Variants in RAPGEF1 observed in about 807,000 individuals in gnomAD.
RAPGEF1 encodes Rap guanine nucleotide exchange factor 1.
In RAPGEF1, 33 loss-of-function variants were observed where a neutral mutation model predicts 143.3. The ratio of observed to expected loss-of-function variants is 0.23; its 90% confidence interval spans 0.17 to 0.31. The LOEUF (loss-of-function observed/expected upper bound fraction) is 0.31. Ranked by LOEUF, RAPGEF1 falls within the 10% of genes least tolerant of loss-of-function variation. The pLI is 1.00. For missense variants in RAPGEF1, 1,199 were observed against 1,645.4 expected (o/e 0.73, Z 4.69); for synonymous variants, 629 against 676.5 (o/e 0.93, Z 1.09).
chr9:131,619,273 C>T (rs958154001), intron 11 of RAPGEF1, 67 bp from the exon 12 acceptor site: 13 of 1,243,150 alleles, frequency 1.0e-5, no homozygotes, highest in African/African-American at 3.1e-5. Flanking sequence ...CAGTCAGGTC[C>T]GTGCAGGGAA....
intron 1 of RAPGEF1, among the ~76,000 whole-genome samples, chr9:131,729,127 G>C (rs74383038): frequency 6.6e-6 from 1 of 152,190 alleles, no homozygotes; most frequent in Non-Finnish European, 1.5e-5. Context: ...CAGTGCATCA[G>C]TGCAGGCCCA....
chr9:131,658,214 G>A (rs1470507922), intron 1 of RAPGEF1, among the ~76,000 whole-genome samples: 1 of 152,188 alleles, frequency 6.6e-6, no homozygotes, highest in Non-Finnish European at 1.5e-5. Flanking sequence ...CTCCCAAGTG[G>A]CTATGCCACT....
At chr9:131,648,974 A>G (rs1165439323) in intron 3 of RAPGEF1, among the ~76,000 whole-genome samples, 1 of 152,228 alleles carries the variant, frequency 6.6e-6, no homozygotes, top group Non-Finnish European at 1.5e-5. Flanking sequence ...GATAATCACT[A>G]AAGGATTAAG....
intron 1 of RAPGEF1, among the ~76,000 whole-genome samples, chr9:131,691,800 G>C (rs1331821733): frequency 6.6e-6 from 1 of 152,142 alleles, no homozygotes; most frequent in Non-Finnish European, 1.5e-5. Context: ...AGAATAAAAT[G>C]ATAAATAACA....
intron 13 of RAPGEF1, 121 bp downstream of exon 13, chr9:131,604,810 T>C (rs1467596483): frequency 8.4e-6 from 10 of 1,186,584 alleles, no homozygotes; most frequent in African/African-American, 1.6e-5. Context: ...AGCCCCCAAC[T>C]GCTAGTAAAG....
intron 1 of RAPGEF1, among the ~76,000 whole-genome samples, chr9:131,682,425 G>T (rs903769446): frequency 1.3e-5 from 2 of 152,190 alleles, no homozygotes; most frequent in Non-Finnish European, 2.9e-5. Flanking sequence ...CTGCACAAAA[G>T]CTGTGAGCCT....
At chr9:131,725,310 C>T (rs1836574093) in intron 1 of RAPGEF1, 1 of 152,180 alleles carries the variant, frequency 6.6e-6, no homozygotes, top group South Asian at 2.1e-4. Flanking sequence ...ACGTGGTAGT[C>T]CCAGAGGTTA....
At chr9:131,633,639 A>C (rs1027711806) in intron 5 of RAPGEF1, among the ~76,000 whole-genome samples, 6 of 152,136 alleles carry the variant, frequency 3.9e-5, no homozygotes, top group Non-Finnish European at 8.8e-5. Context: ...ACATGTGCCC[A>C]AATTCAAAGA....
At chr9:131,699,639 C>G (rs78616553) in intron 1 of RAPGEF1, among the ~76,000 whole-genome samples, 99 of 152,298 alleles carry the variant, frequency 6.5e-4, no homozygotes, top group Non-Finnish European at 1.2e-3. Context: ...CAGTCAGCAT[C>G]ATGTGTCACC....
intron 1 of RAPGEF1, among the ~76,000 whole-genome samples, chr9:131,724,971 C>T (rs904716922): frequency 1.3e-5 from 2 of 152,200 alleles, no homozygotes; most frequent in Non-Finnish European, 2.9e-5. Context: ...CTGCACTGGG[C>T]AGGGCCTGTG....
chr9:131,712,290 G>A (rs912576602), intron 1 of RAPGEF1, among the ~76,000 whole-genome samples: 1 of 152,178 alleles, frequency 6.6e-6, no homozygotes, highest in Non-Finnish European at 1.5e-5. Flanking sequence ...GCACACAGTA[G>A]GTGCTTAATA....
chr9:131,728,260 A>C (rs963214942), intron 1 of RAPGEF1, among the ~76,000 whole-genome samples: 13 of 152,220 alleles, frequency 8.5e-5, no homozygotes, highest in African/African-American at 3.1e-4. Flanking sequence ...TACTTTGTAC[A>C]CGAGGACCTT....
chr9:131,701,548 AAT>A (rs1164172136), intron 1 of RAPGEF1, among the ~76,000 whole-genome samples: 1 of 152,218 alleles, frequency 6.6e-6, no homozygotes, highest in African/African-American at 2.4e-5. Flanking sequence ...ACTGTATCCC[AAT>A]ATGTTATTAT....
In RAPGEF1 at chr9:131,665,483, T is replaced by C. The variant is rs558629200; in HGVS notation, c.62-14534A>G. Among the ~76,000 whole-genome samples the C allele has an allele frequency of 2.6e-5, 4 of 152,230 alleles. No homozygotes were observed. In the South Asian group the frequency reaches 8.3e-4, roughly 32 times the overall value. On this transcript the variant is annotated intron_variant, in intron 1 of 26. Transcript: ENST00000683357. ...TGGACGACCGCGATGGCTTTCTAAC[T>C]GTCCCCTGCTCCTTGCCCTCCCCAT... is the stretch of plus-strand genomic sequence containing the variant.
At chr9:131,603,856 G>A (rs1014511114) in intron 14 of RAPGEF1, 105 bp downstream of exon 14, 9 of 605,046 alleles carry the variant, frequency 1.5e-5, no homozygotes, top group African/African-American at 1.4e-4. Context: ...ACTAGGAGGG[G>A]GCTCAGCCCA....
At chr9:131,682,873 C>G (rs1015858528) in intron 1 of RAPGEF1, among the ~76,000 whole-genome samples, 16 of 152,158 alleles carry the variant, frequency 1.1e-4, no homozygotes, top group African/African-American at 3.4e-4. Flanking sequence ...GTCCGTGAGG[C>G]CAATTCAACC....
At chr9:131,579,778 C>T in intron 26 of RAPGEF1, 131 bp from the exon 27 acceptor site, 1 of 971,416 alleles carries the variant, frequency 1.0e-6, no homozygotes, top group Non-Finnish European at 1.5e-6. Flanking sequence ...GCAGGGGCTA[C>T]CGTTGACCAA....
At chr9:131,607,004 T>G (rs910443807) in intron 12 of RAPGEF1, among the ~76,000 whole-genome samples, 4 of 152,190 alleles carry the variant, frequency 2.6e-5, no homozygotes. Flanking sequence ...CCCTCTCGTT[T>G]CCACCTGTGT....
intron 12 of RAPGEF1, among the ~76,000 whole-genome samples, chr9:131,614,833 A>AT (rs1230066818): frequency 1.2e-4 from 17 of 136,270 alleles, no homozygotes; most frequent in Non-Finnish European, 1.6e-5. Context: ...CTTAGCCTGA[A>AT]GTTTTTTTTT....
Sources: allele counts gnomAD v4.1 joint callset (sites outside exome capture counted in the v4.1 genomes callset), GRCh38; gene constraint gnomAD v4.1.1; transcripts MANE v1.5; gene names NCBI Gene and HGNC (gene_info 2026-07-23, HGNC 2026-07-21).